The following ATP6V0D2 variants were observed in gnomAD, a reference collection of about 807,000 sequenced individuals.
ATP6V0D2 encodes ATPase H+ transporting V0 subunit d2, also known as V-type proton ATPase subunit d 2.
A neutral mutation model predicts 40.0 loss-of-function variants in ATP6V0D2; 40 were observed. The observed-to-expected ratio is 1.00, with a 90% CI of 0.78 to 1.30. The LOEUF (loss-of-function observed/expected upper bound fraction) is 1.30. Ranked by LOEUF, ATP6V0D2 falls within the 50% of genes most tolerant of loss-of-function variation. The pLI, the probability that ATP6V0D2 is intolerant of heterozygous loss-of-function variation, is 0.00. For missense variants in ATP6V0D2, 470 were observed against 423.1 expected, an observed-to-expected ratio of 1.11 and a Z score of -0.97; for synonymous variants, 179 against 156.3, an observed-to-expected ratio of 1.15 and a Z score of -1.08.
chr8:86,143,037 A>T (rs1484595007), intron 5 of ATP6V0D2, 83 bp downstream of exon 5: 2 of 958,248 alleles, frequency 2.1e-6, no homozygotes, highest in African/African-American at 3.5e-5. Context: ...ATATTTCCTT[A>T]TCTTTGAATT....
At chr8:86,144,463 C>T (rs937682079) in intron 5 of ATP6V0D2, among the ~76,000 whole-genome samples, 8 of 94,648 alleles carry the variant, frequency 8.5e-5, no homozygotes, top group African/African-American at 2.9e-4. Context: ...ATAAGCATTA[C>T]CCTTCAGGTA....
At chr8:86,099,645 C>A (rs1289367255) in intron 1 of ATP6V0D2, among the ~76,000 whole-genome samples, 1 of 152,246 alleles carries the variant, frequency 6.6e-6, no homozygotes, top group African/African-American at 2.4e-5. Context: ...AGGTGCCCAC[C>A]ACCTGGCCCG....
intron 5 of ATP6V0D2, among the ~76,000 whole-genome samples, chr8:86,147,403 G>A (rs2129641866): frequency 6.6e-6 from 1 of 152,224 alleles, no homozygotes; most frequent in African/African-American, 2.4e-5. Context: ...GTTTTTATAG[G>A]GAAAAGTAAA....
intron 1 of ATP6V0D2, among the ~76,000 whole-genome samples, chr8:86,101,102 A>T (rs1444459041): frequency 6.6e-6 from 1 of 150,388 alleles, no homozygotes; most frequent in African/African-American, 2.4e-5. Flanking sequence ...AGCTGAGATC[A>T]TGCCACTGCA....
At chr8:86,122,814 AG>A (rs1390724899) in intron 2 of ATP6V0D2, among the ~76,000 whole-genome samples, 1 of 152,228 alleles carries the variant, frequency 6.6e-6, no homozygotes, top group Non-Finnish European at 1.5e-5. Flanking sequence ...GAGGCATGAA[AG>A]GATTTTGTGT....
chr8:86,140,619 G>A (rs879941242), intron 3 of ATP6V0D2, among the ~76,000 whole-genome samples: 9 of 152,060 alleles, frequency 5.9e-5, no homozygotes, highest in Non-Finnish European at 1.0e-4. Context: ...AGTGAAGGAG[G>A]AGGGACTTCA....
chr8:86,100,215 A>ATT (rs113388826), intron 1 of ATP6V0D2, among the ~76,000 whole-genome samples: 1 of 147,986 alleles, frequency 6.8e-6, no homozygotes, highest in East Asian at 2.0e-4. Flanking sequence ...TCTAAACCAC[A>ATT]TTTTTTTTTT....
intron 5 of ATP6V0D2, among the ~76,000 whole-genome samples, chr8:86,147,572 C>T (rs928866689): frequency 2.0e-5 from 3 of 152,098 alleles, no homozygotes; most frequent in African/African-American, 7.2e-5. Context: ...CAGTCCTTTT[C>T]CAATTCTAAA....
At chr8:86,144,879 G>A (rs1051752925) in intron 5 of ATP6V0D2, among the ~76,000 whole-genome samples, 1 of 151,884 alleles carries the variant, frequency 6.6e-6, no homozygotes, top group African/African-American at 2.4e-5. Flanking sequence ...GTCTTGGCTG[G>A]GCATGGTGGC....
rs552410977 is a variant in ATP6V0D2, at chr8:86,123,779, C to G, written c.302+9899C>G. 6.6e-5 allele frequency among the ~76,000 whole-genome samples: 10 copies of G among 152,214 alleles called. No individual in the cohort carries two copies. The East Asian group carries it at 1.9e-3, about 29-fold the overall frequency. On this transcript the variant is annotated intron_variant, in intron 2 of 7. Transcript: ENST00000285393. The stretch of plus-strand genomic sequence containing the variant: ...AAATTATAGAAGTAAATAAATCACC[C>G]TAAATCTCACCATCAATTGACATAT...
rs758419912 is a variant in ATP6V0D2 at position 86,141,507 on chromosome 8, TG to T, written c.540del (p.Leu180PhefsTer53). On this transcript the variant is annotated frameshift_variant, in exon 4 of 8. Coordinates refer to ENST00000285393, the MANE Select transcript of ATP6V0D2 (RefSeq NM_152565.1). LOFTEE classifies it high-confidence loss of function. ...ENALDELNIELLRNKLYKSYL... is the reference protein window; with the variant it reads ...ENALDELNIEXLRNKLYKSYL... Reference sequence around the variant, plus strand: ...GCTCTAGATGAACTGAATATTGAATTGCTACGCAATAAACTATACAAGGTAA... The same window carrying T: ...GCTCTAGATGAACTGAATATTGAATTCTACGCAATAAACTATACAAGGTAA... 2.5e-6 allele frequency: 4 copies of T among 1,607,906 alleles called. No homozygotes were observed. The highest frequency in any genetic ancestry group is 3.4e-6 in the Non-Finnish European group (4 of 1,176,114).
intron 5 of ATP6V0D2, among the ~76,000 whole-genome samples, chr8:86,147,650 A>G (rs1321739516): frequency 6.6e-6 from 1 of 152,212 alleles, no homozygotes; most frequent in South Asian, 2.1e-4. Context: ...CTAGAAGAGT[A>G]AGGTAGATAT....
intron 2 of ATP6V0D2, among the ~76,000 whole-genome samples, chr8:86,123,221 G>A (rs1818696253): frequency 6.6e-6 from 1 of 152,148 alleles, no homozygotes; most frequent in Non-Finnish European, 1.5e-5. Flanking sequence ...TCAATAACTG[G>A]TGATTGCTAT....
chr8:86,137,333 T>C (rs1818911513), intron 2 of ATP6V0D2, among the ~76,000 whole-genome samples: 1 of 151,814 alleles, frequency 6.6e-6, no homozygotes, highest in Non-Finnish European at 1.5e-5. Context: ...CTTCCTAAAA[T>C]TCTCTCCCCT....
At chr8:86,137,514 C>T (rs1407474489) in intron 2 of ATP6V0D2, among the ~76,000 whole-genome samples, 3 of 152,138 alleles carry the variant, frequency 2.0e-5, no homozygotes, top group Non-Finnish European at 2.9e-5. Flanking sequence ...CTGACCCGCT[C>T]GCCCAAATGT....
chr8:86,149,052 G>C (rs370745437), intron 5 of ATP6V0D2, among the ~76,000 whole-genome samples: 1 of 69,000 alleles, frequency 1.4e-5, no homozygotes, highest in Admixed American at 2.1e-4. Context: ...ATCTCCAAAG[G>C]AAGAAAAAAA....
At chr8:86,151,755 C>CTTTTTTTTT (rs564476016) in intron 7 of ATP6V0D2, among the ~76,000 whole-genome samples, 2 of 85,518 alleles carry the variant, frequency 2.3e-5, no homozygotes, top group Non-Finnish European at 3.0e-5. Flanking sequence ...GCTTTTCTTT[C>CTTTTTTTTT]TTTTTTTTTT....
intron 2 of ATP6V0D2, among the ~76,000 whole-genome samples, chr8:86,122,404 A>G (rs1330748993): frequency 6.6e-6 from 1 of 152,220 alleles, no homozygotes; most frequent in Non-Finnish European, 1.5e-5. Context: ...AAAATATCCC[A>G]ATGACACATA....
At chr8:86,118,081 CTTTCTTTTTTTT>C (rs1818618289) in intron 2 of ATP6V0D2, among the ~76,000 whole-genome samples, 1 of 52,154 alleles carries the variant, frequency 1.9e-5, no homozygotes, top group South Asian at 5.7e-4. Flanking sequence ...TTCTTTCTTT[CTTTCTTTTTTTT>C]TTTTTTTTTT....
Sources: gnomAD v4.1 joint callset for allele counts (sites outside exome capture counted in the v4.1 genomes callset) on GRCh38, gnomAD v4.1.1 for gene constraint, MANE v1.5 for transcripts, NCBI Gene and HGNC (gene_info 2026-07-23, HGNC 2026-07-21) for gene names.